The following SLC2A1 variants were observed in gnomAD, a reference collection of about 807,000 sequenced individuals.
SLC2A1 encodes the protein solute carrier family 2 member 1.
In SLC2A1, 4 loss-of-function variants were observed where a neutral mutation model predicts 46.6. That is an observed-to-expected ratio of 0.09 (90% confidence interval 0.04 to 0.20). The LOEUF (loss-of-function observed/expected upper bound fraction) is 0.20. Ranked by LOEUF, SLC2A1 falls within the 10% of genes least tolerant of loss-of-function variation. The probability of loss-of-function intolerance (pLI) is 1.00; values close to 1 mark genes in which losing one functional copy is unlikely to be tolerated. For synonymous variants in SLC2A1, 253 were observed against 270.0 expected (o/e 0.94, Z 0.62); for missense variants, 352 against 667.0 (o/e 0.53, Z 5.20).
In SLC2A1 at chr1:42,926,799, T is replaced by TA. The variant is rs1643431216; in HGVS notation, c.*241dup. 1 of 1,487,284 alleles carries TA rather than the reference T, an allele frequency of 6.7e-7. No homozygotes were observed. The highest frequency in any genetic ancestry group is 2.6e-5 in the East Asian group (1 of 38,896). 92.1% of individuals were successfully genotyped at this position (1,487,284 alleles called of 1,614,324 possible). On this transcript the variant is annotated 3_prime_UTR_variant, in exon 10 of 10. Coordinates refer to ENST00000426263, the MANE Select transcript of SLC2A1 (RefSeq NM_006516.4). ...GATATAAAAATAACAAAATCAGTAA[T>TA]AAAAAAATTATAAAACCTGTTGCTT...
intron 2 of SLC2A1, among the ~76,000 whole-genome samples, chr1:42,939,194 C>T (rs1160166073): frequency 2.0e-5 from 3 of 152,272 alleles, no homozygotes; most frequent in Non-Finnish European, 4.4e-5. Context: ...TACACATGGG[C>T]TCTGAGCCTC....
In SLC2A1 at chr1:42,926,481, A is replaced by G. The variant is rs545613558; in HGVS notation, c.*560T>C. 99 of 268,464 alleles carry G rather than the reference A, an allele frequency of 3.7e-4. 2 individuals are homozygous for G. Among genetic ancestry groups the G allele is most frequent in the South Asian group, 2.9e-3 (74 of 25,750 alleles). The allele number at this position is 268,464 out of a possible 1,614,324, so 16.6% of individuals were successfully genotyped here. On this transcript the variant is annotated 3_prime_UTR_variant, in exon 10 of 10. Transcript: ENST00000426263. ...CAGTGCTCCCAACTGGTCTCAGGTA[A>G]AGAAAGATTAATTTGAGTGGTTGGG...
chr1:42,948,846 C>T (rs1055389514), intron 1 of SLC2A1, among the ~76,000 whole-genome samples: 2 of 151,890 alleles, frequency 1.3e-5, no homozygotes, highest in Non-Finnish European at 2.9e-5. Flanking sequence ...GGGCAGATCA[C>T]GAGGTCAGGA....
rs909306212 is a variant in SLC2A1, at chr1:42,954,306, G to A, written c.18+4328C>T. 5.3e-5 allele frequency among the ~76,000 whole-genome samples: 8 copies of A among 152,066 alleles called. No individual in the cohort carries two copies. The highest frequency in any genetic ancestry group is 1.2e-4 in the Non-Finnish European group (8 of 68,002). On this transcript the variant is annotated intron_variant, in intron 1 of 9. Transcript: ENST00000426263. The surrounding 1 kb of genome is among the most constrained non-coding windows in gnomAD (Gnocchi z 4.2). ...GGCCGAGGTGGGCGGATCACCTGAG[G>A]TCTGGAGTTCGAGACCAGCTTGACC...
intron 1 of SLC2A1, among the ~76,000 whole-genome samples, chr1:42,947,896 C>T (rs1054469976): frequency 3.9e-5 from 6 of 152,164 alleles, no homozygotes; most frequent in Non-Finnish European, 7.3e-5. Context: ...ATTTATCAAA[C>T]CCCTGACGAG....
At position 42,954,220 on chromosome 1, in the gene SLC2A1, A is replaced by T; in HGVS notation, c.18+4414T>A. Among the ~76,000 whole-genome samples, 1 of 39,398 alleles carries T rather than the reference A, an allele frequency of 2.5e-5. No individual in the cohort carries two copies. Among genetic ancestry groups the T allele is most frequent in the African/African-American group, 2.9e-4 (1 of 3,454 alleles). 25.8% of individuals were successfully genotyped at this position (39,398 alleles called of 152,430 possible). A position where few individuals can be genotyped will look rare whatever the true frequency, so the allele number is the denominator to read the frequency against. On this transcript the variant is annotated intron_variant, in intron 1 of 9. Transcript: ENST00000426263. The surrounding 1 kb of genome is among the most constrained non-coding windows in gnomAD (Gnocchi z 4.2). ...GCATGTGGAGAAGAAAGCATCTTTA[A>T]AAAAAAAACACAGCTAGGCCAGGCG...
In SLC2A1 at chr1:42,958,513, C is replaced by G. The variant is rs557250332; in HGVS notation, c.18+121G>C. On this transcript the variant is annotated intron_variant, in intron 1 of 9. Coordinates refer to ENST00000426263, the MANE Select transcript of SLC2A1 (RefSeq NM_006516.4). ...CCGCACCGAGCCAGGCTCGGAGAGG[C>G]GCGCGGCCCGCCCCGGGCGCACAGC... 21 of 726,212 alleles carry G rather than the reference C, an allele frequency of 2.9e-5. No homozygotes were observed. The East Asian group carries it at 8.4e-4, about 29-fold the overall frequency. 45.0% of individuals were successfully genotyped at this position (726,212 alleles called of 1,614,324 possible).
intron 8 of SLC2A1, among the ~76,000 whole-genome samples, chr1:42,928,699 C>T (rs1643453653): frequency 6.6e-6 from 1 of 152,102 alleles, no homozygotes; most frequent in Non-Finnish European, 1.5e-5. Flanking sequence ...AGTTTGGGGT[C>T]TGGGACCAGA....
chr1:42,932,834 C>T (rs556820164), intron 2 of SLC2A1, among the ~76,000 whole-genome samples: 1 of 152,348 alleles, frequency 6.6e-6, no homozygotes, highest in South Asian at 2.1e-4. Context: ...TTTCCCCTGC[C>T]CTGTCACAAC....
At chr1:42,941,264 C>CCCGTGCTGGTGCCCAT (rs1553156737) in intron 2 of SLC2A1, among the ~76,000 whole-genome samples, 4 of 152,156 alleles carry the variant, frequency 2.6e-5, no homozygotes, top group African/African-American at 4.8e-5. Flanking sequence ...TAGCTGGGCC[C>CCCGTGCTGGTGCCCAT]CCGTGCTGGT....
In SLC2A1 at chr1:42,958,801, C is replaced by G; in HGVS notation, c.-150G>C. On this transcript the variant is annotated 5_prime_UTR_variant, in exon 1 of 10. Coordinates refer to ENST00000426263, the MANE Select transcript of SLC2A1 (RefSeq NM_006516.4). ...CCCCCGTCGTTTGGTCTCCTGCTCC[C>G]TGGCGTGCTCACTCGGGGACCCGCG... 2.7e-6 allele frequency: 2 copies of G among 754,124 alleles called. No individual in the cohort carries two copies. Among genetic ancestry groups the G allele is most frequent in the Non-Finnish European group, 2.1e-6 (1 of 473,544 alleles). The allele number at this position is 754,124 out of a possible 1,614,324, so 46.7% of individuals were successfully genotyped here.
intron 1 of SLC2A1, among the ~76,000 whole-genome samples, chr1:42,946,306 C>A (rs1643654924): frequency 6.6e-6 from 1 of 152,204 alleles, no homozygotes; most frequent in African/African-American, 2.4e-5. Flanking sequence ...CAGGCAGCTG[C>A]TGCACTAGGA....
At chr1:42,942,821 T>A (rs1456945375) in intron 2 of SLC2A1, 6 of 283,220 alleles carry the variant, frequency 2.1e-5, no homozygotes, top group Middle Eastern at 1.3e-3. Context: ...TGCTGCCTCC[T>A]GACAGTGCTG....
Position 42,925,459 on chromosome 1 carries a change from A to G in SLC2A1, c.*1582T>C, listed in dbSNP as rs1451704712. ...AGCACTGTACTGAATAGTGCTGAGGACCCACAGGAACCAAATCGGCATCTT... is the reference window on the plus strand; with the variant it reads ...AGCACTGTACTGAATAGTGCTGAGGGCCCACAGGAACCAAATCGGCATCTT... On this transcript the variant is annotated 3_prime_UTR_variant, in exon 10 of 10. Transcript: ENST00000426263. The G allele has an allele frequency of 1.3e-5, 2 of 152,212 alleles. No homozygotes were observed. Among genetic ancestry groups the G allele is most frequent in the Non-Finnish European group, 2.9e-5 (2 of 68,052 alleles). 9.4% of individuals were successfully genotyped at this position (152,212 alleles called of 1,614,324 possible). A position where few individuals can be genotyped will look rare whatever the true frequency, so the allele number is the denominator to read the frequency against.
chr1:42,939,384 G>A (rs375053187), intron 2 of SLC2A1, among the ~76,000 whole-genome samples: 9 of 152,214 alleles, frequency 5.9e-5, no homozygotes, highest in South Asian at 2.1e-4. Flanking sequence ...AGATTTCAGC[G>A]TTCTCAGTTC....
Position 42,926,996 on chromosome 1 carries a change from C to A in SLC2A1, c.*45G>T. The A allele has an allele frequency of 6.2e-7, 1 of 1,605,444 alleles. No homozygotes were observed. Among genetic ancestry groups the A allele is most frequent in the Non-Finnish European group, 8.5e-7 (1 of 1,174,162 alleles). On this transcript the variant is annotated 3_prime_UTR_variant, in exon 10 of 10. Coordinates refer to ENST00000426263, the MANE Select transcript of SLC2A1 (RefSeq NM_006516.4). ...CCAGCTGCCTGTGCTCCTGAGAGAT[C>A]CTTAGGGCTGCTGGGAGCAGGCCGG...
At chr1:42,945,156 T>C (rs1643639057) in intron 1 of SLC2A1, among the ~76,000 whole-genome samples, 1 of 151,822 alleles carries the variant, frequency 6.6e-6, no homozygotes, top group South Asian at 2.1e-4. Flanking sequence ...CGGTATTACC[T>C]GCATTTGCTC....
chr1:42,939,154 G>A lies in SLC2A1; in HGVS notation c.114+4072C>T, dbSNP rs78296196. 4.3e-3 allele frequency among the ~76,000 whole-genome samples: 659 copies of A among 152,386 alleles called. 7 individuals are homozygous for A. Among genetic ancestry groups the A allele is most frequent in the African/African-American group, 0.015 (632 of 41,598 alleles). On this transcript the variant is annotated intron_variant, in intron 2 of 9. Transcript: ENST00000426263. Reference sequence around the variant, plus strand: ...GCCCTAGGGCAGGCCTTCAGCCTACGCGGGCACAGGAGTCTCTCTGCCCTG... The same window carrying A: ...GCCCTAGGGCAGGCCTTCAGCCTACACGGGCACAGGAGTCTCTCTGCCCTG...
intron 2 of SLC2A1, among the ~76,000 whole-genome samples, chr1:42,939,112 G>C (rs550283523): frequency 1.3e-5 from 2 of 152,380 alleles, no homozygotes; most frequent in East Asian, 1.9e-4. Context: ...GGGTTGGCCA[G>C]ATGGAATCTC....
Sources: allele counts gnomAD v4.1 joint callset (sites outside exome capture counted in the v4.1 genomes callset), GRCh38; gene constraint gnomAD v4.1.1; non-coding constraint Gnocchi (gnomAD v3.1); transcripts MANE v1.5; gene names NCBI Gene and HGNC (gene_info 2026-07-23, HGNC 2026-07-21).